The following SYNE1 variants were observed in gnomAD, a reference collection of about 807,000 sequenced individuals.
SYNE1 encodes spectrin repeat containing nuclear envelope protein 1.
In SYNE1, 616 loss-of-function variants were observed where a neutral mutation model predicts 1,111.0. That is an observed-to-expected ratio of 0.55 (90% CI 0.52 to 0.59). The LOEUF is 0.59. Ranked by LOEUF, SYNE1 falls within the 20% of genes least tolerant of loss-of-function variation. The pLI is 0.00. For missense variants in SYNE1, 10,006 were observed against 10,417.0 expected (o/e 0.96, Z 1.72); for synonymous variants, 3,855 against 3,825.8 (o/e 1.01, Z -0.28).
At position 152,354,831 on chromosome 6, in the gene SYNE1, C is replaced by T; in HGVS notation, c.10754G>A (p.Arg3585Lys). 1 of 1,614,180 alleles carries T rather than the reference C, an allele frequency of 6.2e-7. No homozygotes were observed. ...LRQDWQAYQH[R>K]LSETRTQFNN... Reference sequence around the variant, plus strand: ...GAACTGAGTTCGAGTCTCGGACAGCCTGTGCTGGTAAGCCTGCCAGTCTTG... The same window carrying T: ...GAACTGAGTTCGAGTCTCGGACAGCTTGTGCTGGTAAGCCTGCCAGTCTTG... Residue 3585 changes from arginine to lysine, a missense_variant, in exon 67 of 146, where the codon AGG (arginine) becomes AAG (lysine). Coordinates refer to ENST00000367255, the MANE Select transcript of SYNE1 (RefSeq NM_182961.4).
chr6:152,409,660 G>A lies in SYNE1; in HGVS notation c.6280C>T (p.Leu2094=). ...LIDLMREYQN[L]KSAVSKVLEN... is the part of the protein sequence containing the mutation. Reference sequence around the variant, plus strand: ...AAGACTTTAGATACAGCTGATTTCAGGTTCTGATATTCTCTCATTAAGTCA... The same window carrying A: ...AAGACTTTAGATACAGCTGATTTCAAGTTCTGATATTCTCTCATTAAGTCA... Residue 2094 remains leucine, a synonymous_variant, in exon 43 of 146, where the codon CTG becomes TTG. Transcript: ENST00000367255. 1 of 1,613,816 alleles carries A rather than the reference G, an allele frequency of 6.2e-7. No homozygotes were observed. Among genetic ancestry groups the A allele is most frequent in the Non-Finnish European group, 8.5e-7 (1 of 1,179,950 alleles).
chr6:152,514,047 A>G (rs1372559109), intron 6 of SYNE1, among the ~76,000 whole-genome samples: 2 of 152,216 alleles, frequency 1.3e-5, no homozygotes, highest in Admixed American at 1.3e-4. Context: ...AAATTAGTTC[A>G]ACCATTGTGG....
At chr6:152,372,376 T>C (rs986849479) in intron 59 of SYNE1, among the ~76,000 whole-genome samples, 4 of 152,202 alleles carry the variant, frequency 2.6e-5, no homozygotes, top group Non-Finnish European at 5.9e-5. Flanking sequence ...CCTTCATTAA[T>C]AATGGTCACA....
At chr6:152,607,453 C>G (rs530757084) in intron 3 of SYNE1, among the ~76,000 whole-genome samples, 1 of 151,816 alleles carries the variant, frequency 6.6e-6, no homozygotes, top group Non-Finnish European at 1.5e-5. Flanking sequence ...GCCAACATCA[C>G]GGATCATTAG....
chr6:152,392,471 T>C (rs953640176), intron 51 of SYNE1, among the ~76,000 whole-genome samples: 1 of 152,164 alleles, frequency 6.6e-6, no homozygotes, highest in Non-Finnish European at 1.5e-5. Context: ...GCCCAGGATA[T>C]CAGAGGGTAG....
At position 152,284,040 on chromosome 6, in the gene SYNE1, C is replaced by A; in HGVS notation, c.18145G>T (p.Val6049Phe). ...EQLALQSTLT[V>F]LAERMSTIRM... ...ATGGTGGACATTCGCTCGGCTAAGA[C>A]AGTGAGCGTGGACTGCAAGGCCAGC... The change falls in exon 96 of 146, where the codon GTC becomes TTC. Residue 6049 changes from valine to phenylalanine, a missense_variant. Val to Phe is a conservative substitution (Grantham distance 50, BLOSUM62 -1). Coordinates refer to ENST00000367255, the MANE Select transcript of SYNE1 (RefSeq NM_182961.4). The A allele has an allele frequency of 6.2e-7, 1 of 1,614,248 alleles. No homozygotes were observed. Among genetic ancestry groups the A allele is most frequent in the South Asian group, 1.1e-5 (1 of 91,082 alleles).
In SYNE1 at chr6:152,458,890, T is replaced by C. The variant is rs1309455619; in HGVS notation, c.2435A>G (p.Gln812Arg). The C allele has an allele frequency of 6.2e-7, 1 of 1,614,056 alleles. No individual in the cohort carries two copies. The highest frequency in any genetic ancestry group is 8.5e-7 in the Non-Finnish European group (1 of 1,179,972). The change falls in exon 22 of 146, where the codon CAG becomes CGG. Residue 812 changes from glutamine (Q) to arginine (R), a missense_variant. Coordinates refer to ENST00000367255, the MANE Select transcript of SYNE1 (RefSeq NM_182961.4). The stretch of plus-strand genomic sequence containing the variant: ...TAATTCCTCCAACGGAATCAACAGC[T>C]GCTGAGACTCATAAAGGAGTGGGGA... ...CYSPLLYESQQLLIPLEELEK... is the reference protein window; with the variant it reads ...CYSPLLYESQRLLIPLEELEK...
At chr6:152,353,982 A>G (rs2096789578) in intron 67 of SYNE1, among the ~76,000 whole-genome samples, 1 of 152,172 alleles carries the variant, frequency 6.6e-6, no homozygotes, top group Non-Finnish European at 1.5e-5. Flanking sequence ...CAAAAATTAA[A>G]AATGAAAACA....
At chr6:152,266,468 G>A (rs939496890) in intron 100 of SYNE1, among the ~76,000 whole-genome samples, 1 of 152,162 alleles carries the variant, frequency 6.6e-6, no homozygotes, top group Non-Finnish European at 1.5e-5. Flanking sequence ...CAACATGAAA[G>A]AAACAGTCTC....
chr6:152,234,108 C>A, intron 111 of SYNE1, 145 bp from the exon 112 acceptor site: 1 of 886,506 alleles, frequency 1.1e-6, no homozygotes, highest in Non-Finnish European at 1.7e-6. Context: ...GAAAGCAGTA[C>A]ACCCTTGCCC....
rs148885424 is a variant in SYNE1, at chr6:152,428,272, C to G, written c.4909G>C (p.Glu1637Gln). The G allele has an allele frequency of 6.2e-7, 1 of 1,614,112 alleles. No homozygotes were observed. Reference protein sequence around the residue: ...QEAAALQQQYEDILRRAKERQ... With the variant: ...QEAAALQQQYQDILRRAKERQ... ...TCCTTCGCCCTCCTTAGGATGTCCTCGTATTGCTGCTGTAGAGCCGCAGCC... is the reference window on the plus strand; with the variant it reads ...TCCTTCGCCCTCCTTAGGATGTCCTGGTATTGCTGCTGTAGAGCCGCAGCC... The change falls in exon 37 of 146, where the codon GAG becomes CAG. Residue 1637 changes from glutamate to glutamine, a missense_variant. Physicochemically the swap from Glu to Gln is conservative, Grantham distance 29. This residue lies in a region of SYNE1 where 1,971 missense variants were observed against 2,084.1 expected (regional missense o/e 0.95). Coordinates refer to ENST00000367255, the MANE Select transcript of SYNE1 (RefSeq NM_182961.4).
Position 152,458,745 on chromosome 6 carries a change from G to T in SYNE1, c.2568+12C>A, listed in dbSNP as rs777634373. 6.2e-7 allele frequency: 1 copy of T among 1,613,484 alleles called. No individual in the cohort carries two copies. The highest frequency in any genetic ancestry group is 8.5e-7 in the Non-Finnish European group (1 of 1,179,506). On this transcript the variant is annotated intron_variant, in intron 22 of 145. Transcript: ENST00000367255. The stretch of plus-strand genomic sequence containing the variant: ...TTTAGAATAATTGTCTCCTGAAAAG[G>T]ATTGTTCTCACCTGATGTTTTTGTT...
chr6:152,122,250 C>T lies in SYNE1; in HGVS notation c.*186G>A, dbSNP rs766338162. 281 of 847,872 alleles carry T rather than the reference C, an allele frequency of 3.3e-4. 1 individual carries two copies. Among genetic ancestry groups the T allele is most frequent in the Non-Finnish European group, 4.9e-4 (262 of 539,826 alleles). 52.5% of individuals were successfully genotyped at this position (847,872 alleles called of 1,614,324 possible). ...CAAACCTTCTTGTTGTCTGTTTGTT[C>T]CCCCGTCACTGTTTATCTTCCACCT... On this transcript the variant is annotated 3_prime_UTR_variant, in exon 146 of 146. Coordinates refer to ENST00000367255, the MANE Select transcript of SYNE1 (RefSeq NM_182961.4).
In SYNE1 at chr6:152,330,056, T is replaced by A. The variant is rs1362334402; in HGVS notation, c.14629A>T (p.Thr4877Ser). 4 of 1,614,168 alleles carry A rather than the reference T, an allele frequency of 2.5e-6. No homozygotes were observed. The East Asian group carries it at 6.7e-5, about 27-fold the overall frequency. ...LLTSAIGETVTECESRMVQSI... is the reference protein window; with the variant it reads ...LLTSAIGETVSECESRMVQSI... Reference sequence around the variant, plus strand: ...TGCACCATTCGGCTCTCACATTCTGTCACCGTCTCACCAATGGCAGAAGTC... The same window carrying A: ...TGCACCATTCGGCTCTCACATTCTGACACCGTCTCACCAATGGCAGAAGTC... Residue 4877 changes from threonine (T) to serine (S), a missense_variant, in exon 78 of 146, where the codon ACA becomes TCA. By Grantham distance (58) the Thr-to-Ser change is moderately conservative. Coordinates refer to ENST00000367255, the MANE Select transcript of SYNE1 (RefSeq NM_182961.4).
chr6:152,441,954 T>C, intron 31 of SYNE1, 121 bp downstream of exon 31: 1 of 1,235,266 alleles, frequency 8.1e-7, no homozygotes, highest in Non-Finnish European at 1.2e-6. Flanking sequence ...ATGTACAGAA[T>C]TTAACACAGG....
chr6:152,545,390 G>T lies in SYNE1; in HGVS notation c.68-5369C>A, dbSNP rs1337558076. Reference sequence around the variant, plus strand: ...AGGTCAAGAGTTTGAGACTAGCCTGGCCAACATGGTGAAACCCTGTCTCTA... The same window carrying T: ...AGGTCAAGAGTTTGAGACTAGCCTGTCCAACATGGTGAAACCCTGTCTCTA... On this transcript the variant is annotated intron_variant, in intron 3 of 145. Transcript: ENST00000367255. Among the ~76,000 whole-genome samples the T allele has an allele frequency of 5.9e-5, 9 of 152,182 alleles. No individual in the cohort carries two copies. In the East Asian group the frequency reaches 7.7e-4, roughly 13 times the overall value.
intron 16 of SYNE1, 149 bp from the exon 17 acceptor site, chr6:152,466,227 C>T: frequency 3.2e-6 from 2 of 631,616 alleles, no homozygotes; most frequent in South Asian, 3.6e-5. Flanking sequence ...TCCACTGCTA[C>T]AAATTACCTA....
At chr6:152,259,984 G>T (rs1338937595) in intron 101 of SYNE1, among the ~76,000 whole-genome samples, 1 of 152,184 alleles carries the variant, frequency 6.6e-6, no homozygotes, top group East Asian at 1.9e-4. Flanking sequence ...GCAGGGCAAG[G>T]TTTGTTCAGT....
Position 152,122,441 on chromosome 6 carries a change from G to A in SYNE1, c.26389C>T (p.Leu8797Phe), listed in dbSNP as rs760509759. Residue 8797 changes from leucine (L) to phenylalanine (F), a missense_variant, in exon 146 of 146, where the codon CTC becomes TTC. Leu to Phe is a conservative substitution (Grantham distance 22). Around this residue, in one of 7 missense-constraint regions of SYNE1, gnomAD observed 761 missense variants for 795.5 expected, o/e 0.96. Transcript: ENST00000367255. ...GCAGATGGCATCTGCTTAGTTCAGAGTGGAGGAGGGCCATTCGTGTATCTG... is the reference window on the plus strand; with the variant it reads ...GCAGATGGCATCTGCTTAGTTCAGAATGGAGGAGGGCCATTCGTGTATCTG... ...MLRYTNGPPPL is the reference protein window; with the variant it reads ...MLRYTNGPPPF 5 of 1,614,144 alleles carry A rather than the reference G, an allele frequency of 3.1e-6. No homozygotes were observed. The highest frequency in any genetic ancestry group is 4.2e-6 in the Non-Finnish European group (5 of 1,180,040).
Sources: allele counts gnomAD v4.1 joint callset (sites outside exome capture counted in the v4.1 genomes callset), GRCh38; gene constraint gnomAD v4.1.1; regional missense constraint gnomAD v4.1.1; transcripts MANE v1.5; gene names NCBI Gene and HGNC (gene_info 2026-07-23, HGNC 2026-07-21).